The following SPRYD3 variants were observed in gnomAD, a reference collection of about 807,000 sequenced individuals.
SPRYD3 encodes SPRY domain containing 3, also known as SPRY domain-containing protein 3.
Under a neutral mutation model 50.1 loss-of-function variants are expected in SPRYD3, and 17 were observed. That is an observed-to-expected ratio of 0.34 (90% CI 0.23 to 0.51). The LOEUF (loss-of-function observed/expected upper bound fraction) is 0.51. Among genes scored for constraint, SPRYD3 ranks in the 20% least tolerant of loss-of-function variants. SPRYD3 has a pLI of 0.97. For synonymous variants in SPRYD3, 198 were observed against 215.5 expected (o/e 0.92, Z 0.71); for missense variants, 401 against 591.2 (o/e 0.68, Z 3.34).
Position 53,068,146 on chromosome 12 carries a change from T to C in SPRYD3, c.843+9A>G. 6.2e-7 allele frequency: 1 copy of C among 1,614,182 alleles called. No individual in the cohort carries two copies. ...TCCATGAGCAAAAAAGCTCAGCCTT[T>C]GTGCCCACCTTCCGTGCCAGCCCCA... On this transcript the variant is annotated intron_variant, in intron 7 of 10. Transcript: ENST00000301463.
intron 2 of SPRYD3, 103 bp from the exon 3 acceptor site, chr12:53,075,914 G>A: frequency 1.1e-6 from 1 of 874,998 alleles, no homozygotes; most frequent in South Asian, 1.4e-5. Flanking sequence ...CAGCACACAG[G>A]AGAATCCATC....
chr12:53,066,962 T>G (rs1944513761), intron 8 of SPRYD3, among the ~76,000 whole-genome samples: 1 of 151,966 alleles, frequency 6.6e-6, no homozygotes. Context: ...ATACAAAAAT[T>G]AGCTGGGCGT....
intron 10 of SPRYD3, 101 bp from the exon 11 acceptor site, chr12:53,066,067 C>A: frequency 6.8e-7 from 1 of 1,477,876 alleles, no homozygotes; most frequent in Non-Finnish European, 9.2e-7. Flanking sequence ...CCCCAGCTTC[C>A]AGCGGGGCTG....
intron 10 of SPRYD3, 104 bp from the exon 11 acceptor site, chr12:53,066,070 C>T (rs996728616): frequency 5.4e-5 from 79 of 1,472,648 alleles, no homozygotes; most frequent in African/African-American, 4.1e-4. Context: ...CAGCTTCCAG[C>T]GGGGCTGGAG....
intron 6 of SPRYD3, among the ~76,000 whole-genome samples, chr12:53,071,462 C>A (rs1191108976): frequency 1.3e-5 from 2 of 152,186 alleles, no homozygotes; most frequent in East Asian, 3.8e-4. Context: ...ATTCCTCAAC[C>A]CCTCAGAGCT....
chr12:53,068,048 C>T, intron 7 of SPRYD3, 107 bp downstream of exon 7: 1 of 1,347,636 alleles, frequency 7.4e-7, no homozygotes, highest in Admixed American at 1.9e-5. Flanking sequence ...CACCCTCCCT[C>T]CAAAGCCTGG....
At chr12:53,075,244 G>T in intron 3 of SPRYD3, 25 bp from the exon 4 acceptor site, 1 of 1,591,100 alleles carries the variant, frequency 6.3e-7, no homozygotes, top group Non-Finnish European at 8.6e-7. Context: ...GCAGGGCACA[G>T]TCAGCAGGGC....
Position 53,066,203 on chromosome 12 carries a change from G to A in SPRYD3, c.1194+111C>T, listed in dbSNP as rs1424253718. The A allele has an allele frequency of 3.9e-6, 6 of 1,531,472 alleles. No homozygotes were observed. In the African/African-American group the frequency reaches 4.1e-5, roughly 10 times the overall value. 94.9% of individuals were successfully genotyped at this position (1,531,472 alleles called of 1,614,324 possible). A position where few individuals can be genotyped will look rare whatever the true frequency, so the allele number is the denominator to read the frequency against. On this transcript the variant is annotated intron_variant, in intron 10 of 10. Coordinates refer to ENST00000301463, the MANE Select transcript of SPRYD3 (RefSeq NM_032840.3). The stretch of plus-strand genomic sequence containing the variant: ...GAGCTGGGAACAGCCCTTGGGCAAC[G>A]CCAGAGCTTCCCGTCTTTCCCACCC...
chr12:53,072,374 C>T (rs540294529), intron 6 of SPRYD3, among the ~76,000 whole-genome samples: 1 of 152,300 alleles, frequency 6.6e-6, no homozygotes, highest in African/African-American at 2.4e-5. Flanking sequence ...TCCCACCCCC[C>T]ACTGCTTCTG....
chr12:53,067,178 G>A (rs931177482), intron 8 of SPRYD3, among the ~76,000 whole-genome samples: 9 of 151,568 alleles, frequency 5.9e-5, no homozygotes, highest in Admixed American at 6.6e-5. Flanking sequence ...ATAAAGAGAC[G>A]TAGTATCCAT....
At chr12:53,072,372 C>G (rs776048549) in intron 6 of SPRYD3, among the ~76,000 whole-genome samples, 15 of 152,168 alleles carry the variant, frequency 9.9e-5, no homozygotes, top group Non-Finnish European at 1.9e-4. Context: ...GCTCCCACCC[C>G]CCACTGCTTC....
Position 53,069,828 on chromosome 12 carries a change from GCCCACCCTCTCCACCCA to G in SPRYD3, c.694-1541_694-1525del, listed in dbSNP as rs539478800. ...CTCCACCCAGGCAGAGCAGCCCCCA[GCCCACCCTCTCCACCCA>G]GCATTGCAGAACTGGGTGGGGGACC... On this transcript the variant is annotated intron_variant, in intron 6 of 10. Coordinates refer to ENST00000301463, the MANE Select transcript of SPRYD3 (RefSeq NM_032840.3). 7.3e-3 allele frequency among the ~76,000 whole-genome samples: 1,118 copies of G among 152,262 alleles called. 6 individuals are homozygous for G. Among genetic ancestry groups the G allele is most frequent in the Admixed American group, 0.013 (205 of 15,300 alleles).
intron 7 of SPRYD3, 143 bp from the exon 8 acceptor site, chr12:53,067,848 G>T: frequency 1.2e-6 from 1 of 805,718 alleles, no homozygotes; most frequent in Non-Finnish European, 2.1e-6. Flanking sequence ...AGGCACTGGG[G>T]CTTCAGGGGA....
Position 53,074,811 on chromosome 12 carries a change from G to A in SPRYD3, c.372-27C>T. The A allele has an allele frequency of 5.6e-6, 9 of 1,611,888 alleles. No individual in the cohort carries two copies. The highest frequency in any genetic ancestry group is 2.2e-5 in the East Asian group (1 of 44,822). On this transcript the variant is annotated intron_variant, in intron 4 of 10. Coordinates refer to ENST00000301463, the MANE Select transcript of SPRYD3 (RefSeq NM_032840.3). This position sits in a 1 kb window ranked among gnomAD's most constrained non-coding sequence, Gnocchi z 4.6. ...TACAGACAGAGTAGTACAGACACAG[G>A]ACCCGAGCCTGGCCTCCCAACTTCT...
In SPRYD3 at chr12:53,074,488, C is replaced by T. The variant is rs747037354; in HGVS notation, c.507+161G>A. ...GCCATGGGAAGTATCTTCTCCTACA[C>T]GCAAGAGACTTCAGGAGAATCTGAG... On this transcript the variant is annotated intron_variant, in intron 5 of 10. Coordinates refer to ENST00000301463, the MANE Select transcript of SPRYD3 (RefSeq NM_032840.3). This position sits in a 1 kb window ranked among gnomAD's most constrained non-coding sequence, Gnocchi z 4.6. Among the ~76,000 whole-genome samples, 18 of 152,334 alleles carry T rather than the reference C, an allele frequency of 1.2e-4. No individual in the cohort carries two copies. In the South Asian group the frequency reaches 2.5e-3, roughly 21 times the overall value.
chr12:53,065,966 C>G lies in SPRYD3; in HGVS notation c.1195G>C (p.Val399Leu). ...ATCTTGCCATTCCGAGTGAAGAAAA[C>G]CTGGGGAGGAGGTGGGGAGAAGAAT... Reference protein sequence around the residue: ...EPEHEGRKVVVFFTRNGKIIG... With the variant: ...EPEHEGRKVVLFFTRNGKIIG... The change falls in exon 11 of 11, where the codon GTT becomes CTT. Residue 399 changes from valine to leucine, a missense_variant and splice_region_variant. Physicochemically the swap from Val to Leu is conservative, Grantham distance 32. Transcript: ENST00000301463. The G allele has an allele frequency of 6.2e-7, 1 of 1,611,918 alleles. No individual in the cohort carries two copies. The highest frequency in any genetic ancestry group is 8.5e-7 in the Non-Finnish European group (1 of 1,178,464).
At chr12:53,074,000 C>G (rs1944570494) in intron 5 of SPRYD3, among the ~76,000 whole-genome samples, 1 of 152,022 alleles carries the variant, frequency 6.6e-6, no homozygotes, top group Non-Finnish European at 1.5e-5. Flanking sequence ...AAACACAAGT[C>G]TCCTGACTTG....
chr12:53,068,481 G>T (rs983413585), intron 6 of SPRYD3, among the ~76,000 whole-genome samples, 177 bp from the exon 7 acceptor site: 3 of 152,240 alleles, frequency 2.0e-5, no homozygotes, highest in Non-Finnish European at 4.4e-5. Flanking sequence ...TGGAAGAGCA[G>T]GATGGGGTGG....
chr12:53,071,408 G>A (rs999005343), intron 6 of SPRYD3, among the ~76,000 whole-genome samples: 3 of 152,134 alleles, frequency 2.0e-5, no homozygotes, highest in Admixed American at 6.5e-5. Flanking sequence ...CTCACTTTGC[G>A]AGGCCTGGAG....
Sources: allele counts gnomAD v4.1 joint callset (sites outside exome capture counted in the v4.1 genomes callset), GRCh38; gene constraint gnomAD v4.1.1; non-coding constraint Gnocchi (gnomAD v3.1); transcripts MANE v1.5; gene names NCBI Gene and HGNC (gene_info 2026-07-23, HGNC 2026-07-21).